Variants in COL5A1 observed in about 807,000 individuals in gnomAD.
COL5A1 encodes the protein collagen type V alpha 1 chain.
COL5A1 carries 16 observed loss-of-function variants against 263.7 expected under a neutral mutation model. That is an observed-to-expected ratio of 0.06 (90% CI 0.04 to 0.09). COL5A1 has a LOEUF of 0.09. COL5A1 is among the 10% of genes least tolerant of loss of function. COL5A1 has a pLI of 1.00. For synonymous variants in COL5A1, 1,012 were observed against 1,004.5 expected, an observed-to-expected ratio of 1.01 and a Z score of -0.14; for missense variants, 2,036 against 2,540.5, an observed-to-expected ratio of 0.80 and a Z score of 4.27.
intron 2 of COL5A1, among the ~76,000 whole-genome samples, chr9:134,693,537 G>C (rs1833357541): frequency 6.6e-6 from 1 of 152,174 alleles, no homozygotes; most frequent in Admixed American, 6.5e-5. Context: ...AGGTTGCTTG[G>C]GAAGTATTGA....
chr9:134,671,915 GT>G (rs1156917298), intron 1 of COL5A1, among the ~76,000 whole-genome samples: 2 of 152,242 alleles, frequency 1.3e-5, no homozygotes, highest in Non-Finnish European at 2.9e-5. Context: ...ACATTCCACA[GT>G]TTTGTCTGAA....
chr9:134,770,665 C>T (rs1378772927), intron 25 of COL5A1, among the ~76,000 whole-genome samples: 1 of 152,190 alleles, frequency 6.6e-6, no homozygotes, highest in Non-Finnish European at 1.5e-5. Flanking sequence ...CTTCCAGTTG[C>T]CTAATTGTCT....
intron 6 of COL5A1, 146 bp from the exon 7 acceptor site, chr9:134,730,090 C>A: frequency 8.0e-7 from 1 of 1,244,264 alleles, no homozygotes; most frequent in Non-Finnish European, 1.2e-6. Context: ...GGCCCCTGCA[C>A]CCAAGAGGTC....
chr9:134,765,469 C>T lies in COL5A1; in HGVS notation c.2035-212C>T, dbSNP rs540154342. The stretch of plus-strand genomic sequence containing the variant: ...TCTCTGAGTTCTCACCAATTCCAGA[C>T]ACCTGCCCCTGGTTCCCAACACCAG... On this transcript the variant is annotated intron_variant, in intron 20 of 65. Coordinates refer to ENST00000371817, the MANE Select transcript of COL5A1 (RefSeq NM_000093.5). This position sits in a 1 kb window ranked among gnomAD's most constrained non-coding sequence, Gnocchi z 5.1. Among the ~76,000 whole-genome samples, 1 of 152,204 alleles carries T rather than the reference C, an allele frequency of 6.6e-6. No individual in the cohort carries two copies. The highest frequency in any genetic ancestry group is 6.5e-5 in the Admixed American group (1 of 15,306).
chr9:134,753,777 G>GCCCCCCCCCCCC, intron 14 of COL5A1, 73 bp from the exon 15 acceptor site: 3 of 622,728 alleles, frequency 4.8e-6, no homozygotes, highest in East Asian at 3.7e-5. Flanking sequence ...CCCCTCCCCT[G>GCCCCCCCCCCCC]CCACCCCCAG....
chr9:134,690,849 C>T (rs945217123), intron 1 of COL5A1, 63 bp from the exon 2 acceptor site: 142 of 1,597,744 alleles, frequency 8.9e-5, no homozygotes, highest in Non-Finnish European at 1.1e-4. Flanking sequence ...TCCCAGCTTC[C>T]GGGTGTTCCC....
Position 134,821,189 on chromosome 9 carries a change from TAGAG to T in COL5A1, c.4555-905_4555-902del, listed in dbSNP as rs2132871998. On this transcript the variant is annotated intron_variant, in intron 58 of 65. Coordinates refer to ENST00000371817, the MANE Select transcript of COL5A1 (RefSeq NM_000093.5). The surrounding 1 kb of genome is among the most constrained non-coding windows in gnomAD (Gnocchi z 4.2). ...GTGGTGGCCCGGCAACCACGAGAAT[TAGAG>T]AGGCATCCAGGGTCCCCACGGCCAG... is the stretch of plus-strand genomic sequence containing the variant. Among the ~76,000 whole-genome samples the T allele has an allele frequency of 6.6e-6, 1 of 151,646 alleles. No homozygotes were observed. The highest frequency in any genetic ancestry group is 2.1e-4 in the South Asian group (1 of 4,766).
chr9:134,725,446 A>G (rs78422078), intron 4 of COL5A1, among the ~76,000 whole-genome samples: 2 of 152,280 alleles, frequency 1.3e-5, no homozygotes, highest in East Asian at 3.9e-4. Flanking sequence ...GTCGGCTTCT[A>G]TGCATCTGAT....
At chr9:134,729,161 G>C (rs376720719) in intron 6 of COL5A1, among the ~76,000 whole-genome samples, 1 of 152,218 alleles carries the variant, frequency 6.6e-6, no homozygotes, top group Non-Finnish European at 1.5e-5. Context: ...GCTGTGGTGG[G>C]AGAGGAGAGA....
Position 134,842,047 on chromosome 9 carries a change from C to T in COL5A1, c.5371-110C>T, listed in dbSNP as rs1830118585. ...GGCAAGCGCAGCCCTGGGTAGGAGA[C>T]AGGACACCAGCCTGGGTTTTGGAGC... is the stretch of plus-strand genomic sequence containing the variant. On this transcript the variant is annotated intron_variant, in intron 65 of 65. Coordinates refer to ENST00000371817, the MANE Select transcript of COL5A1 (RefSeq NM_000093.5). This position sits in a 1 kb window ranked among gnomAD's most constrained non-coding sequence, Gnocchi z 5.8. The T allele has an allele frequency of 3.1e-6, 4 of 1,301,034 alleles. No individual in the cohort carries two copies. In the South Asian group the frequency reaches 3.6e-5, roughly 12 times the overall value. 80.6% of individuals were successfully genotyped at this position (1,301,034 alleles called of 1,614,324 possible). A position where few individuals can be genotyped will look rare whatever the true frequency, so the allele number is the denominator to read the frequency against.
rs183696783 is a variant in COL5A1, at chr9:134,653,123, T to C, written c.109+10827T>C. On this transcript the variant is annotated intron_variant, in intron 1 of 65. Coordinates refer to ENST00000371817, the MANE Select transcript of COL5A1 (RefSeq NM_000093.5). ...CATCTCAGGAACCTCCCGCTTTCTT[T>C]ATGGTGGTCCCCGCTTCACAAAGCA... is the stretch of plus-strand genomic sequence containing the variant. 5 of 168,054 alleles carry C rather than the reference T, an allele frequency of 3.0e-5. No individual in the cohort carries two copies. In the Admixed American group the frequency reaches 3.1e-4, roughly 10 times the overall value. 10.4% of individuals were successfully genotyped at this position (168,054 alleles called of 1,614,324 possible). A position where few individuals can be genotyped will look rare whatever the true frequency, so the allele number is the denominator to read the frequency against.
chr9:134,818,640 C>T lies in COL5A1; in HGVS notation c.4231-16C>T, dbSNP rs1057522679. 4 of 1,593,828 alleles carry T rather than the reference C, an allele frequency of 2.5e-6. No individual in the cohort carries two copies. The highest frequency in any genetic ancestry group is 3.4e-6 in the Non-Finnish European group (4 of 1,168,036). On this transcript the variant is annotated splice_polypyrimidine_tract_variant and intron_variant, in intron 54 of 65. Transcript: ENST00000371817. This position sits in a 1 kb window ranked among gnomAD's most constrained non-coding sequence, Gnocchi z 6.0. ...CTAGAGCTCCGGACCTCATTCTGCC[C>T]TCCGCCGTCCTGCAGGGAGAAGCCG... is the stretch of plus-strand genomic sequence containing the variant.
At chr9:134,651,193 A>G (rs2132472641) in intron 1 of COL5A1, among the ~76,000 whole-genome samples, 2 of 152,384 alleles carry the variant, frequency 1.3e-5, no homozygotes, top group South Asian at 4.1e-4. Context: ...ATAAAAATGC[A>G]CATCAAGCCT....
chr9:134,748,714 C>T (rs564178105), intron 11 of COL5A1, among the ~76,000 whole-genome samples: 1 of 152,170 alleles, frequency 6.6e-6, no homozygotes, highest in South Asian at 2.1e-4. Flanking sequence ...ATTCTTTGAC[C>T]CAGCAGCACT....
At chr9:134,828,594 TCACACAGATACACACCATACACCACA>T (rs1564181271) in intron 63 of COL5A1, among the ~76,000 whole-genome samples, 3 of 6,762 alleles carry the variant, frequency 4.4e-4, no homozygotes, top group African/African-American at 1.7e-3. Context: ...ACACCACACA[TCACACAGATACACACCATACACCACA>T]CACATACCAC....
intron 41 of COL5A1, among the ~76,000 whole-genome samples, chr9:134,805,863 G>A (rs1838278726): frequency 6.6e-6 from 1 of 150,432 alleles, no homozygotes; most frequent in African/African-American, 2.4e-5. Context: ...AGACATGTGG[G>A]CCCTGGAGGA....
chr9:134,787,558 T>G (rs1347451299), intron 31 of COL5A1, among the ~76,000 whole-genome samples: 2 of 152,212 alleles, frequency 1.3e-5, no homozygotes, highest in African/African-American at 4.8e-5. Flanking sequence ...CGGTGCTGCT[T>G]CCTGTGTGGG....
rs1834256362 is a variant in COL5A1, at chr9:134,716,224, G to A, written c.655-11042G>A. 6.6e-6 allele frequency among the ~76,000 whole-genome samples: 1 copy of A among 152,160 alleles called. No homozygotes were observed. The highest frequency in any genetic ancestry group is 2.4e-5 in the African/African-American group (1 of 41,422). ...ATCTTATTATCCTCTTTTATCAACA[G>A]ATGGAGGCCTGGAGTAATTAGTCAT... On this transcript the variant is annotated intron_variant, in intron 4 of 65. Coordinates refer to ENST00000371817, the MANE Select transcript of COL5A1 (RefSeq NM_000093.5). The surrounding 1 kb of genome is among the most constrained non-coding windows in gnomAD (Gnocchi z 4.5).
chr9:134,663,847 G>A (rs956185132), intron 1 of COL5A1, among the ~76,000 whole-genome samples: 1 of 152,222 alleles, frequency 6.6e-6, no homozygotes, highest in Non-Finnish European at 1.5e-5. Flanking sequence ...GGATATTGGG[G>A]TGGCTCCCCC....
Sources: allele counts gnomAD v4.1 joint callset (sites outside exome capture counted in the v4.1 genomes callset), GRCh38; gene constraint gnomAD v4.1.1; non-coding constraint Gnocchi (gnomAD v3.1); transcripts MANE v1.5; gene names NCBI Gene and HGNC (gene_info 2026-07-23, HGNC 2026-07-21).